TNRC18: variants seen among roughly 807,000 people sequenced by gnomAD.
TNRC18 encodes trinucleotide repeat containing 18.
Under a neutral mutation model 226.7 loss-of-function variants are expected in TNRC18, and 69 were observed. The observed-to-expected ratio is 0.30, with a 90% CI of 0.25 to 0.37. The LOEUF (loss-of-function observed/expected upper bound fraction) is 0.37, where lower values mean the gene tolerates loss of function less well. Ranked by LOEUF, TNRC18 falls within the 10% of genes least tolerant of loss-of-function variation. The pLI is 1.00. For synonymous variants in TNRC18, 2,449 were observed against 1,927.6 expected, an observed-to-expected ratio of 1.27 and a Z score of -7.09; for missense variants, 4,754 against 4,256.6, an observed-to-expected ratio of 1.12 and a Z score of -3.25.
chr7:5,409,204 G>A (rs918530760), intron 2 of TNRC18, among the ~76,000 whole-genome samples: 12 of 152,102 alleles, frequency 7.9e-5, no homozygotes, highest in South Asian at 2.1e-4. Flanking sequence ...AGGTGCCCAC[G>A]GGAAGTCTCC....
intron 18 of TNRC18, among the ~76,000 whole-genome samples, chr7:5,335,972 C>T (rs914190499): frequency 2.0e-5 from 3 of 151,568 alleles, no homozygotes; most frequent in Non-Finnish European, 4.4e-5. Flanking sequence ...TTTGGGAGGC[C>T]AAGGCGGGCA....
Position 5,332,967 on chromosome 7 carries a change from C to T in TNRC18, c.5802G>A (p.Lys1934=), listed in dbSNP as rs780930454. The T allele has an allele frequency of 4.3e-5, 67 of 1,563,206 alleles. No homozygotes were observed. The highest frequency in any genetic ancestry group is 5.7e-5 in the Non-Finnish European group (66 of 1,162,392). The change falls in exon 19 of 30, where the codon AAG becomes AAA. Residue 1934 remains lysine (K), a synonymous_variant. Transcript: ENST00000430969. ...RSPAGLLRPK[K]GLGEPGPSLA... ...GGGAGGGTCCCGGCTCCCCCAGCCC[C>T]TTCTTGGGCCGCAGCAGCCCCGCAG...
chr7:5,352,006 C>G lies in TNRC18; in HGVS notation c.5283G>C (p.Leu1761=), dbSNP rs369521058. Residue 1761 remains leucine, a synonymous_variant, in exon 17 of 30, where the codon CTG becomes CTC. Coordinates refer to ENST00000430969, the MANE Select transcript of TNRC18 (RefSeq NM_001080495.3). ...TGCTGTTCTTTGCCACCATGCTACA[C>G]AGGAGGGAAGGCGTCAGTTTGGAGC... is the stretch of plus-strand genomic sequence containing the variant. ...PSSSKLTPSL[L]CSMVAKNSKA... is the part of the protein sequence containing the mutation. 5 of 1,614,016 alleles carry G rather than the reference C, an allele frequency of 3.1e-6. No individual in the cohort carries two copies. Among genetic ancestry groups the G allele is most frequent in the Admixed American group, 3.3e-5 (2 of 60,030 alleles).
intron 2 of TNRC18, among the ~76,000 whole-genome samples, chr7:5,414,620 T>G (rs1212802903): frequency 3.3e-5 from 5 of 151,890 alleles, no homozygotes; most frequent in African/African-American, 1.2e-4. Flanking sequence ...CACCATGTTA[T>G]CCAGGATGGT....
In TNRC18 at chr7:5,321,181, G is replaced by T; in HGVS notation, c.6452C>A (p.Ser2151Tyr). 6.5e-7 allele frequency: 1 copy of T among 1,547,382 alleles called. No individual in the cohort carries two copies. The highest frequency in any genetic ancestry group is 8.7e-7 in the Non-Finnish European group (1 of 1,145,418). ...VERPLTPAPR[S>Y]CIIDKDELKD... Reference sequence around the variant, plus strand: ...CAGCTCATCCTTGTCGATGATGCAGGAGCGAGGGGCTGCAGGGGTTGGATC... The same window carrying T: ...CAGCTCATCCTTGTCGATGATGCAGTAGCGAGGGGCTGCAGGGGTTGGATC... The change falls in exon 22 of 30, where the codon TCC becomes TAC. Residue 2151 changes from serine to tyrosine, a missense_variant. By Grantham distance (144) the Ser-to-Tyr change is moderately radical (BLOSUM62 -2). Transcript: ENST00000430969.
rs1361353037 is a variant in TNRC18, at chr7:5,371,302, G to A, written c.3292C>T (p.Leu1098=). 1 of 1,566,336 alleles carries A rather than the reference G, an allele frequency of 6.4e-7. No homozygotes were observed. Among genetic ancestry groups the A allele is most frequent in the Admixed American group, 1.8e-5 (1 of 54,932 alleles). ...TCGGCGGCGGCCGTGGGCTGCAGCA[G>A]GAAAGGGTAGGGCCTCCCGTAGTGC... ...PPHYGRPYPF[L]LQPTAAADAD... Residue 1098 remains leucine, a synonymous_variant, in exon 11 of 30, where the codon CTG becomes TTG. Coordinates refer to ENST00000430969, the MANE Select transcript of TNRC18 (RefSeq NM_001080495.3).
In TNRC18 at chr7:5,377,790, A is replaced by G. The variant is rs7796767; in HGVS notation, c.2255+132T>C. ...GGGCTGGCCCGATGCTGAGGACCAG[A>G]GTGACTCCCGCTCTCAGTACCATAG... On this transcript the variant is annotated intron_variant, in intron 6 of 29. Transcript: ENST00000430969. The surrounding 1 kb of genome is among the most constrained non-coding windows in gnomAD (Gnocchi z 5.8). 129,527 of 1,018,712 alleles carry G rather than the reference A, an allele frequency of 0.13. 17,467 individuals are homozygous for G. The highest frequency in any genetic ancestry group is 0.63 in the African/African-American group (39,425 of 62,622). 63.1% of individuals were successfully genotyped at this position (1,018,712 alleles called of 1,614,324 possible). A position where few individuals can be genotyped will look rare whatever the true frequency, so the allele number is the denominator to read the frequency against.
intron 2 of TNRC18, among the ~76,000 whole-genome samples, chr7:5,406,716 T>C (rs1191537615): frequency 1.3e-5 from 2 of 151,378 alleles, no homozygotes; most frequent in Non-Finnish European, 2.9e-5. Flanking sequence ...CTGGGCATGG[T>C]GGCAGATGCC....
chr7:5,389,402 A>C (rs1184009331), intron 4 of TNRC18, 66 bp from the exon 5 acceptor site: 1 of 1,183,722 alleles, frequency 8.4e-7, no homozygotes, highest in Non-Finnish European at 1.0e-6. Flanking sequence ...GCCTGGGCGG[A>C]GGCGGACCCC....
At chr7:5,362,170 C>T in intron 12 of TNRC18, 137 bp from the exon 13 acceptor site, 1 of 1,069,596 alleles carries the variant, frequency 9.3e-7, no homozygotes, top group Non-Finnish European at 1.3e-6. Context: ...CTGCCACCTC[C>T]TGACTGTGGC....
chr7:5,383,632 G>A lies in TNRC18; in HGVS notation c.2152+4040C>T, dbSNP rs147618656. On this transcript the variant is annotated intron_variant, in intron 5 of 29. Transcript: ENST00000430969. Reference sequence around the variant, plus strand: ...ACCCAGGAGACCAGTGTGACAACCCGACTGTCCTCAGCTGGGGGAACTGCC... The same window carrying A: ...ACCCAGGAGACCAGTGTGACAACCCAACTGTCCTCAGCTGGGGGAACTGCC... Among the ~76,000 whole-genome samples, 193 of 152,284 alleles carry A rather than the reference G, an allele frequency of 1.3e-3. 1 individual carries two copies. Among genetic ancestry groups the A allele is most frequent in the African/African-American group, 4.6e-3 (190 of 41,556 alleles).
At chr7:5,383,683 C>G (rs1305089847) in intron 5 of TNRC18, among the ~76,000 whole-genome samples, 1 of 152,182 alleles carries the variant, frequency 6.6e-6, no homozygotes, top group African/African-American at 2.4e-5. Flanking sequence ...CAGGGCGTCT[C>G]TCTCCTCCCT....
At chr7:5,342,713 A>T (rs953197053) in intron 18 of TNRC18, among the ~76,000 whole-genome samples, 2 of 152,230 alleles carry the variant, frequency 1.3e-5, no homozygotes, top group African/African-American at 4.8e-5. Flanking sequence ...AAGGATTTAG[A>T]ATATTGCACA....
Position 5,345,680 on chromosome 7 carries a change from C to G in TNRC18, c.5601G>C (p.Leu1867=). 1 of 1,550,172 alleles carries G rather than the reference C, an allele frequency of 6.5e-7. No individual in the cohort carries two copies. The highest frequency in any genetic ancestry group is 8.7e-7 in the Non-Finnish European group (1 of 1,147,114). ...GGGCGCTGGCGGCGAAGCGTGCCAGCAGGCCCAGCCCACTCTCCTCCAGGC... is the reference window on the plus strand; with the variant it reads ...GGGCGCTGGCGGCGAAGCGTGCCAGGAGGCCCAGCCCACTCTCCTCCAGGC... ...SPGLEESGLG[L]LARFAASALP... The change falls in exon 18 of 30, where the codon CTG becomes CTC. Residue 1867 remains leucine (L), a synonymous_variant. Coordinates refer to ENST00000430969, the MANE Select transcript of TNRC18 (RefSeq NM_001080495.3).
intron 19 of TNRC18, among the ~76,000 whole-genome samples, chr7:5,327,452 T>G (rs1480018599): frequency 6.6e-6 from 1 of 151,752 alleles, no homozygotes; most frequent in Non-Finnish European, 1.5e-5. Flanking sequence ...AACTCTTTAA[T>G]GCAAGTCATC....
At chr7:5,401,315 T>G (rs1225443934) in intron 2 of TNRC18, among the ~76,000 whole-genome samples, 1 of 152,066 alleles carries the variant, frequency 6.6e-6, no homozygotes, top group Non-Finnish European at 1.5e-5. Flanking sequence ...TCACTGCCAA[T>G]GGGCTAGTCC....
Position 5,374,172 on chromosome 7 carries a change from AG to A in TNRC18, c.3111del (p.Ser1038ProfsTer121). On this transcript the variant is annotated frameshift_variant, in exon 10 of 30. Transcript: ENST00000430969. LOFTEE classifies it high-confidence loss of function. ...PSSHPTSPPP[A>X]SPPPTPGITR... ...GTGATACCCGGGGTGGGCGGTGGGG[AG>A]GCGGGCGGCGGGCTGGTGGGGTGGG... 3.1e-6 allele frequency: 1 copy of A among 319,268 alleles called. No homozygotes were observed. Among genetic ancestry groups the A allele is most frequent in the South Asian group, 1.1e-4 (1 of 8,846 alleles). 19.8% of individuals were successfully genotyped at this position (319,268 alleles called of 1,614,324 possible).
chr7:5,350,544 T>G (rs1381524098), intron 17 of TNRC18, among the ~76,000 whole-genome samples: 3 of 152,104 alleles, frequency 2.0e-5, no homozygotes, highest in Non-Finnish European at 4.4e-5. Flanking sequence ...CATCCAGGTG[T>G]GGCTACCCAG....
intron 2 of TNRC18, among the ~76,000 whole-genome samples, chr7:5,417,233 C>G (rs1325996039): frequency 6.6e-6 from 1 of 151,622 alleles, no homozygotes; most frequent in African/African-American, 2.4e-5. Flanking sequence ...TTTGGGAGGC[C>G]AAGGCAGGAG....
Sources: gnomAD v4.1 joint callset for allele counts (sites outside exome capture counted in the v4.1 genomes callset) on GRCh38, gnomAD v4.1.1 for gene constraint, Gnocchi (gnomAD v3.1) non-coding constraint, MANE v1.5 for transcripts, NCBI Gene and HGNC (gene_info 2026-07-23, HGNC 2026-07-21) for gene names.